ADAMTS8: variants seen among roughly 807,000 people sequenced by gnomAD.
The protein encoded by ADAMTS8 is ADAM metallopeptidase with thrombospondin type 1 motif 8, also known as A disintegrin and metalloproteinase with thrombospondin motifs 8.
Under a neutral mutation model 64.4 loss-of-function variants are expected in ADAMTS8, and 50 were observed. That is an observed-to-expected ratio of 0.78 (90% CI 0.62 to 0.98). The LOEUF is 0.98. Among genes scored for constraint, ADAMTS8 ranks in the 50% least tolerant of loss-of-function variants. The pLI, the probability that ADAMTS8 is intolerant of heterozygous loss-of-function variation, is 0.00. For synonymous variants in ADAMTS8, 556 were observed against 533.6 expected (o/e 1.04, Z -0.58); for missense variants, 1,192 against 1,208.2 (o/e 0.99, Z 0.20).
chr11:130,424,098 G>A (rs1862133074), intron 1 of ADAMTS8, among the ~76,000 whole-genome samples: 1 of 152,208 alleles, frequency 6.6e-6, no homozygotes, highest in Non-Finnish European at 1.5e-5. Flanking sequence ...GGCCTGGATG[G>A]CTTTGAACTG....
rs1862188422 is a variant in ADAMTS8 at position 130,427,662 on chromosome 11, T to C, written c.625A>G (p.Ser209Gly). The change falls in exon 1 of 9, where the codon AGT becomes GGT. Residue 209 changes from serine to glycine, a missense_variant. Ser to Gly is a moderately conservative substitution (Grantham distance 56). Around this residue, in one of 5 missense-constraint regions of ADAMTS8, gnomAD observed 741 missense variants for 710.6 expected, o/e 1.04. Coordinates refer to ENST00000257359, the MANE Select transcript of ADAMTS8 (RefSeq NM_007037.6). The part of the protein sequence containing the change: ...SEPPPPLGAT[S>G]RTKRFVSEAR... The stretch of plus-strand genomic sequence containing the variant: ...TCAGACACAAACCGCTTGGTCCTAC[T>C]CGTGGCCCCCAGGGGCGGTGGCGGC... The C allele has an allele frequency of 6.3e-7, 1 of 1,594,326 alleles. No homozygotes were observed. The highest frequency in any genetic ancestry group is 1.3e-5 in the African/African-American group (1 of 74,632).
rs370322673 is a variant in ADAMTS8, at chr11:130,416,356, C to A, written c.1097-26G>T. ...CTGGGGAGAGAGGCCTGGTCCACTC[C>A]GCCCTGTCCTGCCTGAGGGCGCCCC... On this transcript the variant is annotated intron_variant, in intron 3 of 8. Transcript: ENST00000257359. The surrounding 1 kb of genome is among the most constrained non-coding windows in gnomAD (Gnocchi z 4.8). 6.5e-7 allele frequency: 1 copy of A among 1,527,666 alleles called. No individual in the cohort carries two copies. Among genetic ancestry groups the A allele is most frequent in the Non-Finnish European group, 8.8e-7 (1 of 1,133,032 alleles). 94.6% of individuals were successfully genotyped at this position (1,527,666 alleles called of 1,614,324 possible).
rs1862212061 is a variant in ADAMTS8 at position 130,428,362 on chromosome 11, G to A, written c.-76C>T. 8.1e-7 allele frequency: 1 copy of A among 1,228,310 alleles called. No homozygotes were observed. Among genetic ancestry groups the A allele is most frequent in the Non-Finnish European group, 1.0e-6 (1 of 973,872 alleles). The allele number at this position is 1,228,310 out of a possible 1,614,324, so 76.1% of individuals were successfully genotyped here. ...GCGGGCAGGTGCTGGCGGCCCGAGC[G>A]CGGCCCGGCCGCTCTCTCCAGGAAA... On this transcript the variant is annotated 5_prime_UTR_variant, in exon 1 of 9. Coordinates refer to ENST00000257359, the MANE Select transcript of ADAMTS8 (RefSeq NM_007037.6).
At position 130,405,927 on chromosome 11, in the gene ADAMTS8, G is replaced by T. The variant is rs765042268; in HGVS notation, c.2301C>A (p.Ser767Arg). The change falls in exon 9 of 9, where the codon AGC (serine) becomes AGA (arginine). Residue 767 changes from serine (S) to arginine (R), a missense_variant. Coordinates refer to ENST00000257359, the MANE Select transcript of ADAMTS8 (RefSeq NM_007037.6). The stretch of plus-strand genomic sequence containing the variant: ...GGCGCTCCAGGGTGGCGATGGAGCC[G>T]CTGTACTTCAGGATGGTCCCCTTCA... ...ILVKGTILKY[S>R]GSIATLERLQ... The T allele has an allele frequency of 7.4e-6, 12 of 1,614,086 alleles. No individual in the cohort carries two copies. The South Asian group carries it at 1.2e-4, about 16-fold the overall frequency.
intron 7 of ADAMTS8, 36 bp from the exon 8 acceptor site, chr11:130,408,675 T>A (rs1388333580): frequency 1.2e-6 from 2 of 1,612,886 alleles, no homozygotes; most frequent in Non-Finnish European, 1.7e-6. Flanking sequence ...GGAGGGCGTG[T>A]TGAGCACAGA....
rs753495368 is a variant in ADAMTS8 at position 130,419,253 on chromosome 11, A to G, written c.760T>C (p.Tyr254His). Residue 254 changes from tyrosine to histidine, a missense_variant, in exon 2 of 9, where the codon TAC (tyrosine) becomes CAC (histidine). Coordinates refer to ENST00000257359, the MANE Select transcript of ADAMTS8 (RefSeq NM_007037.6). ...GAATTCTTGATGCTGGGGTGCTTGT[A>G]GATTCGGGCTGCCACAGACATTAAC... ...LTLMSVAARIYKHPSIKNSIN... is the reference protein window; with the variant it reads ...LTLMSVAARIHKHPSIKNSIN... The G allele has an allele frequency of 3.0e-5, 49 of 1,613,868 alleles. No homozygotes were observed. Among genetic ancestry groups the G allele is most frequent in the Middle Eastern group, 1.6e-4 (1 of 6,084 alleles).
chr11:130,423,045 C>T (rs563527993), intron 1 of ADAMTS8, among the ~76,000 whole-genome samples: 1 of 152,218 alleles, frequency 6.6e-6, no homozygotes, highest in South Asian at 2.1e-4. Context: ...AGGTGACTTG[C>T]TCAAGGACAC....
At chr11:130,425,726 G>A (rs1412689066) in intron 1 of ADAMTS8, among the ~76,000 whole-genome samples, 10 of 151,436 alleles carry the variant, frequency 6.6e-5, no homozygotes, top group African/African-American at 2.4e-4. Flanking sequence ...TCAGCCTCCC[G>A]AGTAGCTGGG....
rs1040083314 is a variant in ADAMTS8 at position 130,416,132 on chromosome 11, G to A, written c.1264+31C>T. The A allele has an allele frequency of 1.3e-6, 2 of 1,537,430 alleles. No individual in the cohort carries two copies. The highest frequency in any genetic ancestry group is 1.4e-5 in the African/African-American group (1 of 73,388). On this transcript the variant is annotated intron_variant, in intron 4 of 8. Transcript: ENST00000257359. This position sits in a 1 kb window ranked among gnomAD's most constrained non-coding sequence, Gnocchi z 4.8. ...AGCACCAGTGGAAGGAGGCCCACGG[G>A]GACAAGTAGGGCGGGGCCGCCGGTG... is the stretch of plus-strand genomic sequence containing the variant.
chr11:130,417,930 G>A (rs549988595), intron 2 of ADAMTS8, among the ~76,000 whole-genome samples: 1 of 150,740 alleles, frequency 6.6e-6, no homozygotes, highest in South Asian at 2.1e-4. Context: ...TTGAGAGGAC[G>A]AGGCAGGTAG....
At chr11:130,418,051 G>A (rs1862050556) in intron 2 of ADAMTS8, among the ~76,000 whole-genome samples, 1 of 148,060 alleles carries the variant, frequency 6.8e-6, no homozygotes, top group African/African-American at 2.5e-5. Context: ...CAAGGTGCTT[G>A]CGCTTGTCAT....
rs386375276 is a variant in ADAMTS8 at position 130,415,603 on chromosome 11, C to CTTTTTTTTTTTTTTTTTTTTTTTTTTTT, written c.1264+559_1264+560insAAAAAAAAAAAAAAAAAAAAAAAAAAAA. On this transcript the variant is annotated intron_variant, in intron 4 of 8. Transcript: ENST00000257359. The stretch of plus-strand genomic sequence containing the variant: ...CGGGCAGAAGCCACTGCACCTGGCC[C>CTTTTTTTTTTTTTTTTTTTTTTTTTTTT]TTTTTTTTTTTTTTTTTTTTAAAGA... Among the ~76,000 whole-genome samples the CTTTTTTTTTTTTTTTTTTTTTTTTTTTT allele has an allele frequency of 1.9e-5, 2 of 104,802 alleles. 1 individual carries two copies. 68.8% of individuals were successfully genotyped at this position (104,802 alleles called of 152,430 possible). A position where few individuals can be genotyped will look rare whatever the true frequency, so the allele number is the denominator to read the frequency against.
At chr11:130,406,151 C>T (rs901340151) in intron 8 of ADAMTS8, 23 bp from the exon 9 acceptor site, 17 of 1,585,050 alleles carry the variant, frequency 1.1e-5, no homozygotes, top group East Asian at 2.3e-5. Context: ...CAGAAGGACA[C>T]CCTTAGACCA....
intron 6 of ADAMTS8, among the ~76,000 whole-genome samples, chr11:130,410,830 C>A (rs4936099): frequency 0.69 from 105,083 of 152,122 alleles, 37,220 homozygotes; most frequent in East Asian, 0.97. Context: ...AGGTAGTATT[C>A]CTTCCTGGGA....
At position 130,417,023 on chromosome 11, in the gene ADAMTS8, C is replaced by G. The variant is rs1193693927; in HGVS notation, c.1013G>C (p.Gly338Ala). ...LCDTLGVADI[G>A]TICDPNKSCS... Reference sequence around the variant, plus strand: ...GCTTTTGTTGGGGTCACAAATGGTCCCGATGTCTGCCACACCCAGGGTGTC... The same window carrying G: ...GCTTTTGTTGGGGTCACAAATGGTCGCGATGTCTGCCACACCCAGGGTGTC... Residue 338 changes from glycine to alanine, a missense_variant, in exon 3 of 9, where the codon GGG becomes GCG. By Grantham distance (60) the Gly-to-Ala change is moderately conservative. Around this residue, in one of 5 missense-constraint regions of ADAMTS8, gnomAD observed 741 missense variants for 710.6 expected, o/e 1.04. Coordinates refer to ENST00000257359, the MANE Select transcript of ADAMTS8 (RefSeq NM_007037.6). 6.2e-7 allele frequency: 1 copy of G among 1,613,988 alleles called. No homozygotes were observed. The highest frequency in any genetic ancestry group is 1.3e-5 in the African/African-American group (1 of 74,998).
At chr11:130,419,472 T>C (rs894269018) in intron 1 of ADAMTS8, among the ~76,000 whole-genome samples, 180 bp from the exon 2 acceptor site, 2 of 152,162 alleles carry the variant, frequency 1.3e-5, no homozygotes, top group African/African-American at 4.8e-5. Flanking sequence ...GAAAACAGGC[T>C]CAAGAACCTG....
Position 130,405,827 on chromosome 11 carries a change from T to C in ADAMTS8, c.2401A>G (p.Lys801Glu), listed in dbSNP as rs766976240. ...GGAACAAAGAAGGTGTATTTGACTT[T>C]TGGGGGGAAGACCTCGCCAGGGACT... The part of the protein sequence containing the change: ...LTVPGEVFPP[K>E]VKYTFFVPND... The change falls in exon 9 of 9, where the codon AAA becomes GAA. Residue 801 changes from lysine to glutamate, a missense_variant. Around this residue, in one of 5 missense-constraint regions of ADAMTS8, gnomAD observed 147 missense variants for 154.1 expected, o/e 0.95. Transcript: ENST00000257359. 1.2e-6 allele frequency: 2 copies of C among 1,613,988 alleles called. No individual in the cohort carries two copies. The highest frequency in any genetic ancestry group is 1.7e-6 in the Non-Finnish European group (2 of 1,180,040).
chr11:130,427,476 TCAGAGGGATTGGA>T, intron 1 of ADAMTS8, 78 bp downstream of exon 1: 2 of 537,686 alleles, frequency 3.7e-6, no homozygotes, highest in Non-Finnish European at 5.6e-6. Context: ...TTTTTTTTTC[TCAGAGGGATTGGA>T]AGGGGAGATT....
At chr11:130,423,234 G>C (rs1862122772) in intron 1 of ADAMTS8, among the ~76,000 whole-genome samples, 1 of 152,274 alleles carries the variant, frequency 6.6e-6, no homozygotes, top group Admixed American at 6.5e-5. Context: ...GGGAAGGGGC[G>C]ATCTTTGGAC....
Sources: gnomAD v4.1 joint callset for allele counts (sites outside exome capture counted in the v4.1 genomes callset) on GRCh38, gnomAD v4.1.1 for gene constraint, gnomAD v4.1.1 regional missense constraint, Gnocchi (gnomAD v3.1) non-coding constraint, MANE v1.5 for transcripts, NCBI Gene and HGNC (gene_info 2026-07-23, HGNC 2026-07-21) for gene names.